Variants in HAUS4 observed in about 807,000 individuals in gnomAD.
HAUS4 encodes HAUS augmin-like complex subunit 4.
A neutral mutation model predicts 50.6 loss-of-function variants in HAUS4; 34 were observed. That is an observed-to-expected ratio of 0.67 (90% CI 0.51 to 0.90). HAUS4 has a LOEUF of 0.90. Among genes scored for constraint, HAUS4 ranks in the 40% least tolerant of loss-of-function variants. HAUS4 has a pLI of 0.00. For synonymous variants in HAUS4, 149 were observed against 161.4 expected, an observed-to-expected ratio of 0.92 and a Z score of 0.58; for missense variants, 370 against 428.7, an observed-to-expected ratio of 0.86 and a Z score of 1.21.
intron 2 of HAUS4, 116 bp from the exon 3 acceptor site, chr14:22,952,799 T>C (rs2044779962): frequency 6.5e-6 from 5 of 770,060 alleles, no homozygotes; most frequent in Admixed American, 3.2e-5. Flanking sequence ...ATAGGAAAGA[T>C]TGCTAAATCT....
At chr14:22,950,510 A>G (rs2044733600) in intron 5 of HAUS4, 100 bp from the exon 6 acceptor site, 1 of 660,992 alleles carries the variant, frequency 1.5e-6, no homozygotes, top group African/African-American at 1.8e-5. Flanking sequence ...ATAGCCAAAG[A>G]AAATGCATCA....
At chr14:22,947,334 G>A (rs1370058940) in intron 8 of HAUS4, 95 bp from the exon 9 acceptor site, 2 of 870,616 alleles carry the variant, frequency 2.3e-6, no homozygotes, top group Admixed American at 1.9e-5. Flanking sequence ...TCAAGGTGTG[G>A]GCTAAGCACT....
chr14:22,948,536 A>C (rs1448227927), intron 6 of HAUS4, among the ~76,000 whole-genome samples: 1 of 150,710 alleles, frequency 6.6e-6, no homozygotes, highest in Non-Finnish European at 1.5e-5. Flanking sequence ...TTTGGACCTT[A>C]ATTCTTTTTA....
chr14:22,946,929 A>G (rs1815231), intron 9 of HAUS4, among the ~76,000 whole-genome samples: 71,905 of 151,526 alleles, frequency 0.47, 18,692 homozygotes, highest in East Asian at 0.79. Flanking sequence ...GATTACAGGC[A>G]CATGCCACCA....
chr14:22,947,681 C>T lies in HAUS4; in HGVS notation c.759G>A (p.Arg253=), dbSNP rs2044669674. 1 of 1,614,114 alleles carries T rather than the reference C, an allele frequency of 6.2e-7. No homozygotes were observed. Among genetic ancestry groups the T allele is most frequent in the Non-Finnish European group, 8.5e-7 (1 of 1,179,982 alleles). Residue 253 remains arginine, a synonymous_variant, in exon 8 of 10, where the codon CGG becomes CGA. Coordinates refer to ENST00000541587, the MANE Select transcript of HAUS4 (RefSeq NM_001166269.2). ...TLLQRLLQEH[R]LKTQSELDRI... ...GGTCTAGCTCGGATTGAGTCTTCAG[C>T]CGGTGTTCTTGAAGAAGCCTCTGCA...
intron 2 of HAUS4, among the ~76,000 whole-genome samples, chr14:22,953,581 G>A (rs575210341): frequency 2.6e-5 from 4 of 151,970 alleles, no homozygotes; most frequent in African/African-American, 9.6e-5. Flanking sequence ...GAGTAGCTGG[G>A]ATTACAGGCA....
chr14:22,952,874 T>C (rs2044782253), intron 2 of HAUS4, among the ~76,000 whole-genome samples, 191 bp from the exon 3 acceptor site: 1 of 152,200 alleles, frequency 6.6e-6, no homozygotes, highest in South Asian at 2.1e-4. Context: ...GCATTTATAT[T>C]ATATACAAGG....
intron 5 of HAUS4, 30 bp from the exon 6 acceptor site, chr14:22,950,440 C>G (rs377229455): frequency 5.1e-6 from 7 of 1,373,636 alleles, no homozygotes; most frequent in Non-Finnish European, 6.2e-6. Flanking sequence ...GGCAGAAATG[C>G]GAATAGACTG....
rs2044749848 is a variant in HAUS4, at chr14:22,951,394, CT to C, written c.465+160del. The C allele has an allele frequency of 6.8e-6, 5 of 733,844 alleles. No homozygotes were observed. The South Asian group carries it at 7.9e-5, about 12-fold the overall frequency. 45.5% of individuals were successfully genotyped at this position (733,844 alleles called of 1,614,324 possible). A position where few individuals can be genotyped will look rare whatever the true frequency, so the allele number is the denominator to read the frequency against. On this transcript the variant is annotated intron_variant, in intron 5 of 9. Coordinates refer to ENST00000541587, the MANE Select transcript of HAUS4 (RefSeq NM_001166269.2). ...TGTGCTTCTAGATGCAGTATTTCAG[CT>C]TTTACTTGCTCCTGTGTAACGTTTT... is the stretch of plus-strand genomic sequence containing the variant.
chr14:22,948,127 G>A lies in HAUS4; in HGVS notation c.563-114C>T, dbSNP rs1183771276. 1.8e-5 allele frequency: 19 copies of A among 1,070,826 alleles called. No individual in the cohort carries two copies. The East Asian group carries it at 4.8e-4, about 27-fold the overall frequency. The allele number at this position is 1,070,826 out of a possible 1,614,324, so 66.3% of individuals were successfully genotyped here. A position where few individuals can be genotyped will look rare whatever the true frequency, so the allele number is the denominator to read the frequency against. ...GACCCACAAATCCTGCCTTATGACA[G>A]GTTTTCTTCTAATAATCTATTAAAA... On this transcript the variant is annotated intron_variant, in intron 6 of 9. Coordinates refer to ENST00000541587, the MANE Select transcript of HAUS4 (RefSeq NM_001166269.2).
Position 22,950,368 on chromosome 14 carries a change from C to T in HAUS4, c.508G>A (p.Glu170Lys). The stretch of plus-strand genomic sequence containing the variant: ...GTGAAACATTTCTTTTTGAGCTGCT[C>T]CTCTACTTCTTGCTGTAGCCGAGCC... The part of the protein sequence containing the change: ...MRARLQQEVE[E>K]QLKKKCFTLL... The change falls in exon 6 of 10, where the codon GAG (glutamate) becomes AAG (lysine). Residue 170 changes from glutamate to lysine, a missense_variant. Coordinates refer to ENST00000541587, the MANE Select transcript of HAUS4 (RefSeq NM_001166269.2). 6.2e-7 allele frequency: 1 copy of T among 1,613,336 alleles called. No individual in the cohort carries two copies. Among genetic ancestry groups the T allele is most frequent in the Non-Finnish European group, 8.5e-7 (1 of 1,179,354 alleles).
chr14:22,950,503 G>T, intron 5 of HAUS4, 93 bp from the exon 6 acceptor site: 1 of 699,530 alleles, frequency 1.4e-6, no homozygotes, highest in Non-Finnish European at 2.5e-6. Context: ...CTCAATAATA[G>T]CCAAAGAAAA....
At chr14:22,948,406 T>C (rs1234684728) in intron 6 of HAUS4, among the ~76,000 whole-genome samples, 2 of 120,022 alleles carry the variant, frequency 1.7e-5, no homozygotes, top group Non-Finnish European at 3.2e-5. Context: ...GGTGTGATTG[T>C]ACCACTGCAC....
Position 22,946,282 on chromosome 14 carries a change from G to A in HAUS4, c.*243C>T, listed in dbSNP as rs2044641770. 9 of 372,904 alleles carry A rather than the reference G, an allele frequency of 2.4e-5. No individual in the cohort carries two copies. Among genetic ancestry groups the A allele is most frequent in the Non-Finnish European group, 4.3e-5 (9 of 208,716 alleles). 23.1% of individuals were successfully genotyped at this position (372,904 alleles called of 1,614,324 possible). ...AGATAATCAAATACAATACAGGGCT[G>A]ACACTGACACACAGCTATGCATAAA... is the stretch of plus-strand genomic sequence containing the variant. On this transcript the variant is annotated 3_prime_UTR_variant, in exon 10 of 10. Coordinates refer to ENST00000541587, the MANE Select transcript of HAUS4 (RefSeq NM_001166269.2).
intron 2 of HAUS4, among the ~76,000 whole-genome samples, chr14:22,953,027 G>A (rs1030899730): frequency 3.3e-5 from 5 of 152,168 alleles, no homozygotes; most frequent in African/African-American, 1.2e-4. Context: ...AAAATTAATA[G>A]AGTTCTTGAA....
At position 22,952,333 on chromosome 14, in the gene HAUS4, T is replaced by A; in HGVS notation, c.325A>T (p.Lys109Ter). ...ACGCCCAGCCTTTGCCTCACCTTTT[T>A]GTCCTCAGAAGTTACATTTGTGTCT... ...IQDTNVTSED[K>*]KFHETLEQRL... The change falls in exon 4 of 10, where the codon AAA becomes TAA. Residue 109 changes from lysine (K) to a stop codon, truncating the protein, a stop_gained. Coordinates refer to ENST00000541587, the MANE Select transcript of HAUS4 (RefSeq NM_001166269.2). LOFTEE classifies it high-confidence loss of function. 2 of 1,613,796 alleles carry A rather than the reference T, an allele frequency of 1.2e-6. No individual in the cohort carries two copies. Among genetic ancestry groups the A allele is most frequent in the South Asian group, 2.2e-5 (2 of 91,072 alleles).
chr14:22,946,537 C>T lies in HAUS4; in HGVS notation c.1080G>A (p.Lys360=), dbSNP rs1375674138. 27 of 1,613,240 alleles carry T rather than the reference C, an allele frequency of 1.7e-5. No homozygotes were observed. Among genetic ancestry groups the T allele is most frequent in the Non-Finnish European group, 2.0e-5 (23 of 1,179,472 alleles). ...GCCCTGCCAGAGCTCAACGGTAGAC[C>T]TTGCTGAACTCCTGGAGGGCCCACC... The part of the protein sequence containing the change: ...NKRWALQEFS[K]VYR Residue 360 remains lysine (K), a synonymous_variant, in exon 10 of 10, where the codon AAG becomes AAA. Transcript: ENST00000541587.
chr14:22,947,465 G>T, intron 8 of HAUS4, 136 bp downstream of exon 8: 1 of 974,692 alleles, frequency 1.0e-6, no homozygotes, highest in Non-Finnish European at 1.5e-6. Context: ...TAATCCAAAA[G>T]CTAATACTGC....
At chr14:22,949,627 G>A (rs889517139) in intron 6 of HAUS4, among the ~76,000 whole-genome samples, 1 of 150,882 alleles carries the variant, frequency 6.6e-6, no homozygotes, top group Non-Finnish European at 1.5e-5. Flanking sequence ...GCTGAAATAT[G>A]AATACTACGT....
Sources: allele counts gnomAD v4.1 joint callset (sites outside exome capture counted in the v4.1 genomes callset), GRCh38; gene constraint gnomAD v4.1.1; transcripts MANE v1.5; gene names NCBI Gene and HGNC (gene_info 2026-07-23, HGNC 2026-07-21).